SETDB1: variants seen among roughly 807,000 people sequenced by gnomAD.
The protein encoded by SETDB1 is histone-lysine N-methyltransferase SETDB1.
A neutral mutation model predicts 137.4 loss-of-function variants in SETDB1; 31 were observed. The ratio of observed to expected loss-of-function variants is 0.23; its 90% confidence interval spans 0.17 to 0.30. The LOEUF (loss-of-function observed/expected upper bound fraction) is 0.30. SETDB1 is among the 10% of genes least tolerant of loss of function. The probability of loss-of-function intolerance (pLI) is 1.00; values close to 1 mark genes in which losing one functional copy is unlikely to be tolerated. For missense variants in SETDB1, 1,113 were observed against 1,631.5 expected (o/e 0.68, Z 5.47); for synonymous variants, 548 against 579.9 (o/e 0.95, Z 0.79).
chr1:150,945,299 A>T lies in SETDB1; in HGVS notation c.1140+191A>T, dbSNP rs142489060. 224 of 1,441,792 alleles carry T rather than the reference A, an allele frequency of 1.6e-4. 1 individual carries two copies. In the African/African-American group the frequency reaches 2.9e-3, roughly 19 times the overall value. 89.3% of individuals were successfully genotyped at this position (1,441,792 alleles called of 1,614,324 possible). A position where few individuals can be genotyped will look rare whatever the true frequency, so the allele number is the denominator to read the frequency against. On this transcript the variant is annotated intron_variant, in intron 9 of 21. Transcript: ENST00000692827. Reference sequence around the variant, plus strand: ...CTCTGCAGGTCATTGTTGAAAATAAATTATCTGAATTATAATACGAATCTG... The same window carrying T: ...CTCTGCAGGTCATTGTTGAAAATAATTTATCTGAATTATAATACGAATCTG...
At chr1:150,939,490 A>G (rs1026519968) in intron 3 of SETDB1, among the ~76,000 whole-genome samples, 4 of 148,856 alleles carry the variant, frequency 2.7e-5, no homozygotes, top group African/African-American at 9.9e-5. Context: ...ATGCCCATCT[A>G]ATTTTTGTAT....
chr1:150,927,470 C>G (rs915865554), intron 1 of SETDB1, among the ~76,000 whole-genome samples: 2 of 152,158 alleles, frequency 1.3e-5, no homozygotes, highest in African/African-American at 4.8e-5. Flanking sequence ...TGAATGTTCT[C>G]CATGCCGTCT....
Position 150,964,166 on chromosome 1 carries a change from C to G in SETDB1, c.3762-81C>G, listed in dbSNP as rs111947065. Reference sequence around the variant, plus strand: ...GGCCCCTCCTCCATTCATGATCCAACTCCACCTACATATTCAGTAACCCCA... The same window carrying G: ...GGCCCCTCCTCCATTCATGATCCAAGTCCACCTACATATTCAGTAACCCCA... On this transcript the variant is annotated intron_variant, in intron 21 of 21. Coordinates refer to ENST00000692827, the MANE Select transcript of SETDB1 (RefSeq NM_001366418.1). The G allele has an allele frequency of 5.1e-5, 78 of 1,521,802 alleles. 2 individuals carry two copies. Among genetic ancestry groups the G allele is most frequent in the African/African-American group, 4.6e-4 (34 of 73,234 alleles). The allele number at this position is 1,521,802 out of a possible 1,614,324, so 94.3% of individuals were successfully genotyped here.
chr1:150,964,228 T>C lies in SETDB1; in HGVS notation c.3762-19T>C. The C allele has an allele frequency of 6.2e-7, 1 of 1,604,816 alleles. No homozygotes were observed. The highest frequency in any genetic ancestry group is 8.5e-7 in the Non-Finnish European group (1 of 1,171,674). ...TATCTGCTGTCTTTGCCACACACCA[T>C]CCTTTTCTTCCTCTTCAGAAGAATC... is the stretch of plus-strand genomic sequence containing the variant. On this transcript the variant is annotated intron_variant, in intron 21 of 21. Transcript: ENST00000692827.
intron 8 of SETDB1, 86 bp downstream of exon 8, chr1:150,944,079 G>GT: frequency 1.0e-6 from 1 of 954,764 alleles, no homozygotes; most frequent in Non-Finnish European, 1.7e-6. Context: ...AAGCCCTAGT[G>GT]TTTTTGGTAT....
chr1:150,932,847 TC>T (rs1241020668), intron 3 of SETDB1, among the ~76,000 whole-genome samples: 1 of 152,226 alleles, frequency 6.6e-6, no homozygotes, highest in Admixed American at 6.5e-5. Flanking sequence ...TAAATTTTTT[TC>T]CATACAGTGT....
At chr1:150,931,131 A>T (rs1173102094) in intron 3 of SETDB1, among the ~76,000 whole-genome samples, 1 of 151,608 alleles carries the variant, frequency 6.6e-6, no homozygotes, top group Admixed American at 6.6e-5. Flanking sequence ...ATGGTGGTGC[A>T]CCCCAGTAAT....
intron 16 of SETDB1, 38 bp downstream of exon 16, chr1:150,961,229 A>C: frequency 1.9e-6 from 3 of 1,599,320 alleles, no homozygotes; most frequent in South Asian, 1.1e-5. Context: ...CTATGGCTTT[A>C]ACTTTGGTGC....
At chr1:150,930,154 C>T (rs772937334) in intron 3 of SETDB1, 36 bp downstream of exon 3, 7 of 1,566,498 alleles carry the variant, frequency 4.5e-6, no homozygotes, top group Non-Finnish European at 6.1e-6. Context: ...AGTCTCAGGA[C>T]TGAAGTTGAA....
chr1:150,960,972 A>G lies in SETDB1; in HGVS notation c.2913A>G (p.Pro971=). Residue 971 remains proline, a synonymous_variant, in exon 16 of 22, where the codon CCA becomes CCG. Transcript: ENST00000692827. ...CAATCCCTGTAGGTGGCTGCAATCC[A>G]CCTTCCTCCGAAGAGACACCCAAGA... is the stretch of plus-strand genomic sequence containing the variant. ...PPSIPVGGCN[P]PSSEETPKNK... The G allele has an allele frequency of 6.2e-7, 1 of 1,612,964 alleles. No individual in the cohort carries two copies. Among genetic ancestry groups the G allele is most frequent in the Non-Finnish European group, 8.5e-7 (1 of 1,179,756 alleles).
At chr1:150,957,323 CTG>C (rs764505107) in intron 14 of SETDB1, among the ~76,000 whole-genome samples, 36 of 152,250 alleles carry the variant, frequency 2.4e-4, no homozygotes, top group Admixed American at 1.0e-3. Flanking sequence ...CAAAGCGAGA[CTG>C]TGTCTCAAAA....
chr1:150,938,732 G>A (rs1334877170), intron 3 of SETDB1, among the ~76,000 whole-genome samples: 1 of 151,948 alleles, frequency 6.6e-6, no homozygotes, highest in African/African-American at 2.4e-5. Context: ...TGGAATTCCT[G>A]ACCTCAGGTG....
chr1:150,927,359 C>G (rs958989493), intron 1 of SETDB1, among the ~76,000 whole-genome samples: 3 of 152,172 alleles, frequency 2.0e-5, no homozygotes, highest in Admixed American at 2.0e-4. Flanking sequence ...CTCCTGCCCT[C>G]AAGCGACCCT....
At chr1:150,962,489 T>C (rs1670852649) in intron 17 of SETDB1, 98 bp from the exon 18 acceptor site, 1 of 1,248,130 alleles carries the variant, frequency 8.0e-7, no homozygotes, top group Non-Finnish European at 1.2e-6. Context: ...GTGCCTGTCT[T>C]TTTGACCTGT....
Position 150,930,066 on chromosome 1 carries a change from A to G in SETDB1, c.360A>G (p.Thr120=), listed in dbSNP as rs779775933. 13 of 1,613,980 alleles carry G rather than the reference A, an allele frequency of 8.1e-6. No homozygotes were observed. The highest frequency in any genetic ancestry group is 1.1e-5 in the Non-Finnish European group (13 of 1,179,964). Residue 120 remains threonine, a synonymous_variant, in exon 3 of 22, where the codon ACA becomes ACG. Coordinates refer to ENST00000692827, the MANE Select transcript of SETDB1 (RefSeq NM_001366418.1). Reference sequence around the variant, plus strand: ...CTGAGGACGAATCTTCCCGGCCTACAGAAATAATTGAGATTCCTGATGAAG... The same window carrying G: ...CTGAGGACGAATCTTCCCGGCCTACGGAAATAATTGAGATTCCTGATGAAG... ...SSSEDESSRP[T]EIIEIPDEDD...
At chr1:150,958,260 T>TC (rs1301593646) in intron 14 of SETDB1, among the ~76,000 whole-genome samples, 2 of 146,372 alleles carry the variant, frequency 1.4e-5, no homozygotes, top group South Asian at 2.3e-4. Flanking sequence ...TTTTCTTTTT[T>TC]TTTTTTTTTG....
chr1:150,927,225 A>G (rs1165340781), intron 1 of SETDB1, among the ~76,000 whole-genome samples: 2 of 152,206 alleles, frequency 1.3e-5, no homozygotes, highest in Non-Finnish European at 2.9e-5. Context: ...TCCTGGGCTC[A>G]AGCGATCCTC....
At chr1:150,929,846 G>A in intron 2 of SETDB1, 121 bp from the exon 3 acceptor site, 1 of 758,036 alleles carries the variant, frequency 1.3e-6, no homozygotes, top group Non-Finnish European at 2.1e-6. Context: ...GAGACACTTT[G>A]GAATGTGGCC....
At chr1:150,950,344 T>A (rs1670461237) in intron 12 of SETDB1, 114 bp from the exon 13 acceptor site, 13 of 917,960 alleles carry the variant, frequency 1.4e-5, no homozygotes, top group Non-Finnish European at 2.2e-5. Flanking sequence ...CATCTTTAGC[T>A]TCAGGAGCAC....
Sources: allele counts gnomAD v4.1 joint callset (sites outside exome capture counted in the v4.1 genomes callset), GRCh38; gene constraint gnomAD v4.1.1; transcripts MANE v1.5; gene names NCBI Gene and HGNC (gene_info 2026-07-23, HGNC 2026-07-21).